The following CYP7B1 variants were observed in gnomAD, a reference collection of about 807,000 sequenced individuals.
The protein encoded by CYP7B1 is cytochrome P450 7B1.
Under a neutral mutation model 42.7 loss-of-function variants are expected in CYP7B1, and 29 were observed. That is an observed-to-expected ratio of 0.68 (90% CI 0.51 to 0.93). CYP7B1 has a LOEUF of 0.93. Ranked by LOEUF, CYP7B1 falls within the 40% of genes least tolerant of loss-of-function variation. CYP7B1 has a pLI of 0.00. For missense variants in CYP7B1, 655 were observed against 600.5 expected, an observed-to-expected ratio of 1.09 and a Z score of -0.95; for synonymous variants, 235 against 218.2, an observed-to-expected ratio of 1.08 and a Z score of -0.68.
At chr8:64,632,923 G>A (rs34304899) in intron 1 of CYP7B1, among the ~76,000 whole-genome samples, 4 of 151,982 alleles carry the variant, frequency 2.6e-5, no homozygotes, top group East Asian at 1.9e-4. Context: ...AACTGCCATC[G>A]ACAGAAAGGA....
chr8:64,639,005 GTCTC>G (rs893202457), intron 1 of CYP7B1, among the ~76,000 whole-genome samples: 5 of 152,026 alleles, frequency 3.3e-5, no homozygotes, highest in African/African-American at 9.7e-5. Context: ...GGGTTCTAGT[GTCTC>G]TCTCTCCTTC....
At chr8:64,720,843 G>A (rs34484820) in intron 1 of CYP7B1, among the ~76,000 whole-genome samples, 43,786 of 151,870 alleles carry the variant, frequency 0.29, 7,527 homozygotes, top group African/African-American at 0.48. Flanking sequence ...GGTAATGAAA[G>A]TGCTATATAC....
chr8:64,683,056 A>G lies in CYP7B1; in HGVS notation c.123-58517T>C, dbSNP rs150972828. Among the ~76,000 whole-genome samples the G allele has an allele frequency of 1.6e-4, 25 of 152,266 alleles. 1 individual carries two copies. In the East Asian group the frequency reaches 4.8e-3, roughly 29 times the overall value. ...GTTCTACCTTCAAAATATTTTCCAAATCCAAGTAGTGTTTCCTCTCCATCC... is the reference window on the plus strand; with the variant it reads ...GTTCTACCTTCAAAATATTTTCCAAGTCCAAGTAGTGTTTCCTCTCCATCC... On this transcript the variant is annotated intron_variant, in intron 1 of 5. Coordinates refer to ENST00000310193, the MANE Select transcript of CYP7B1 (RefSeq NM_004820.5).
At chr8:64,791,910 G>A (rs956070538) in intron 1 of CYP7B1, among the ~76,000 whole-genome samples, 3 of 152,146 alleles carry the variant, frequency 2.0e-5, no homozygotes, top group Non-Finnish European at 4.4e-5. Context: ...AAATCTGGAC[G>A]TCAACAACCC....
At chr8:64,637,378 T>C (rs1287050897) in intron 1 of CYP7B1, among the ~76,000 whole-genome samples, 1 of 152,166 alleles carries the variant, frequency 6.6e-6, no homozygotes, top group East Asian at 1.9e-4. Flanking sequence ...CAAAAACTAA[T>C]AATATCTCTA....
chr8:64,675,054 C>T (rs117554868), intron 1 of CYP7B1, among the ~76,000 whole-genome samples: 1,647 of 152,148 alleles, frequency 0.011, 15 homozygotes, highest in Non-Finnish European at 0.018. Flanking sequence ...ATTTTTCTTA[C>T]GTTTCTTTAC....
At chr8:64,765,483 C>A (rs769033357) in intron 1 of CYP7B1, among the ~76,000 whole-genome samples, 1 of 152,196 alleles carries the variant, frequency 6.6e-6, no homozygotes, top group African/African-American at 2.4e-5. Flanking sequence ...CCCAGCCCAG[C>A]TCTAGGACTC....
intron 1 of CYP7B1, among the ~76,000 whole-genome samples, chr8:64,636,958 G>A (rs887792160): frequency 2.4e-4 from 37 of 152,184 alleles, no homozygotes; most frequent in African/African-American, 8.9e-4. Context: ...CTCCATGGAA[G>A]AGATATCAAT....
chr8:64,723,388 T>A (rs1807275104), intron 1 of CYP7B1, among the ~76,000 whole-genome samples: 1 of 152,216 alleles, frequency 6.6e-6, no homozygotes, highest in South Asian at 2.1e-4. Flanking sequence ...ATGCCACAAT[T>A]TTTTATCCAA....
chr8:64,755,694 A>G (rs188052543), intron 1 of CYP7B1, among the ~76,000 whole-genome samples: 4 of 152,314 alleles, frequency 2.6e-5, no homozygotes, highest in Admixed American at 2.6e-4. Context: ...CTTGTGGACC[A>G]AGAGGCAAAA....
At chr8:64,720,764 T>C (rs1208361735) in intron 1 of CYP7B1, among the ~76,000 whole-genome samples, 2 of 152,168 alleles carry the variant, frequency 1.3e-5, no homozygotes, top group South Asian at 2.1e-4. Context: ...TTAAATTATG[T>C]AATTGTGAAA....
At chr8:64,691,921 C>T (rs1453822266) in intron 1 of CYP7B1, among the ~76,000 whole-genome samples, 2 of 152,238 alleles carry the variant, frequency 1.3e-5, no homozygotes, top group Non-Finnish European at 2.9e-5. Flanking sequence ...ACCTTTCTGA[C>T]ATACCTCAAA....
chr8:64,709,095 C>G (rs1807042574), intron 1 of CYP7B1, among the ~76,000 whole-genome samples: 1 of 152,178 alleles, frequency 6.6e-6, no homozygotes, highest in Non-Finnish European at 1.5e-5. Context: ...GTGCAGGATT[C>G]TCTTCTCTAT....
intron 1 of CYP7B1, among the ~76,000 whole-genome samples, chr8:64,661,630 G>A (rs1168214252): frequency 1.3e-5 from 2 of 152,122 alleles, no homozygotes; most frequent in Admixed American, 1.3e-4. Context: ...AGTAGAGGGG[G>A]ACAGATCTGA....
chr8:64,619,835 T>G (rs1314520801), intron 2 of CYP7B1, among the ~76,000 whole-genome samples: 2 of 152,164 alleles, frequency 1.3e-5, no homozygotes, highest in Non-Finnish European at 2.9e-5. Flanking sequence ...TAAATTGAAT[T>G]TTGGTGTTTT....
rs544863472 is a variant in CYP7B1, at chr8:64,592,678, A to T, written c.*3964T>A. Among the ~76,000 whole-genome samples, 7 of 152,372 alleles carry T rather than the reference A, an allele frequency of 4.6e-5. No individual in the cohort carries two copies. The East Asian group carries it at 1.3e-3, about 29-fold the overall frequency. The stretch of plus-strand genomic sequence containing the variant: ...ACAACACTGTTGAAGTATCTTCATT[A>T]AACTTTGCATTGGTATATTGCATTA... On this transcript the variant is annotated 3_prime_UTR_variant, in exon 6 of 6. Transcript: ENST00000310193.
chr8:64,689,733 A>G (rs1806710268), intron 1 of CYP7B1, among the ~76,000 whole-genome samples: 1 of 151,962 alleles, frequency 6.6e-6, no homozygotes, highest in Non-Finnish European at 1.5e-5. Context: ...CTGCCCGGCA[A>G]ATTTTTGTAT....
At chr8:64,644,156 C>A (rs1805911114) in intron 1 of CYP7B1, among the ~76,000 whole-genome samples, 1 of 151,894 alleles carries the variant, frequency 6.6e-6, no homozygotes, top group Non-Finnish European at 1.5e-5. Context: ...ACCTGTAGTC[C>A]CAGATACTCA....
chr8:64,626,473 G>C (rs1258537271), intron 1 of CYP7B1, among the ~76,000 whole-genome samples: 1 of 152,120 alleles, frequency 6.6e-6, no homozygotes, highest in African/African-American at 2.4e-5. Flanking sequence ...TCCATATTAT[G>C]TATTTGAGGT....
Sources: gnomAD v4.1 joint callset for allele counts (sites outside exome capture counted in the v4.1 genomes callset) on GRCh38, gnomAD v4.1.1 for gene constraint, MANE v1.5 for transcripts, NCBI Gene and HGNC (gene_info 2026-07-23, HGNC 2026-07-21) for gene names.